The following MAGI2 variants were observed in gnomAD, a reference collection of about 807,000 sequenced individuals.
The protein encoded by MAGI2 is membrane associated guanylate kinase, WW and PDZ domain containing 2, also known as membrane-associated guanylate kinase, WW and PDZ domain-containing protein 2.
In MAGI2, 35 loss-of-function variants were observed where a neutral mutation model predicts 133.3. The ratio of observed to expected loss-of-function variants is 0.26; its 90% CI spans 0.20 to 0.35. MAGI2 has a LOEUF of 0.35. Ranked by LOEUF, MAGI2 falls within the 10% of genes least tolerant of loss-of-function variation. The pLI is 1.00. For missense variants in MAGI2, 1,636 were observed against 1,863.4 expected, an observed-to-expected ratio of 0.88 and a Z score of 2.25; for synonymous variants, 729 against 710.6, an observed-to-expected ratio of 1.03 and a Z score of -0.41.
intron 2 of MAGI2, among the ~76,000 whole-genome samples, chr7:78,850,854 C>G (rs1359887827): frequency 2.6e-5 from 4 of 152,078 alleles, no homozygotes; most frequent in African/African-American, 4.8e-5. Context: ...AAAACAACAG[C>G]AGCAAGTCTA....
At chr7:78,964,841 ACTTTTT>A (rs957007990) in intron 2 of MAGI2, among the ~76,000 whole-genome samples, 11 of 151,978 alleles carry the variant, frequency 7.2e-5, no homozygotes, top group African/African-American at 2.2e-4. Context: ...TTTATCATTG[ACTTTTT>A]CTTTTTAAAA....
intron 2 of MAGI2, among the ~76,000 whole-genome samples, chr7:78,699,417 G>A (rs1309819174): frequency 6.6e-6 from 1 of 152,094 alleles, no homozygotes; most frequent in African/African-American, 2.4e-5. Context: ...TTTGTTTCAT[G>A]CACAAAACTA....
At chr7:78,855,792 A>C (rs188890016) in intron 2 of MAGI2, among the ~76,000 whole-genome samples, 1 of 152,316 alleles carries the variant, frequency 6.6e-6, no homozygotes, top group African/African-American at 2.4e-5. Flanking sequence ...GCTGGGTCAA[A>C]TGGTATTTCT....
At chr7:79,228,387 T>C (rs1055104979) in intron 1 of MAGI2, among the ~76,000 whole-genome samples, 8 of 53,512 alleles carry the variant, frequency 1.5e-4, no homozygotes, top group Non-Finnish European at 2.7e-4. Context: ...GGGATTGTCT[T>C]GTCTTGAAAT....
chr7:78,280,899 GTGT>G (rs1795505065), intron 9 of MAGI2, among the ~76,000 whole-genome samples: 1 of 149,938 alleles, frequency 6.7e-6, no homozygotes, highest in Non-Finnish European at 1.5e-5. Context: ...GCTCTGAAGC[GTGT>G]TGTCTTCCCA....
intron 2 of MAGI2, among the ~76,000 whole-genome samples, chr7:78,736,260 G>GT (rs1233346476): frequency 6.6e-6 from 1 of 152,124 alleles, no homozygotes; most frequent in South Asian, 2.1e-4. Flanking sequence ...TCTAATAACA[G>GT]TTTTTTTCTA....
intron 6 of MAGI2, among the ~76,000 whole-genome samples, chr7:78,374,999 C>T (rs1199425626): frequency 6.6e-6 from 1 of 151,842 alleles, no homozygotes; most frequent in Admixed American, 6.6e-5. Flanking sequence ...ACCACTACAC[C>T]TGGCTATTTT....
intron 1 of MAGI2, among the ~76,000 whole-genome samples, chr7:79,365,692 T>C (rs1374060401): frequency 6.6e-6 from 1 of 151,610 alleles, no homozygotes; most frequent in Non-Finnish European, 1.5e-5. Context: ...ACCCTGTCTC[T>C]ACTAAAAATA....
At chr7:78,247,660 A>C (rs1240729737) in intron 10 of MAGI2, among the ~76,000 whole-genome samples, 2 of 152,210 alleles carry the variant, frequency 1.3e-5, no homozygotes, top group East Asian at 3.9e-4. Flanking sequence ...AATTAAAAAC[A>C]TACAATACAG....
intron 2 of MAGI2, among the ~76,000 whole-genome samples, chr7:78,696,946 C>T (rs1817577797): frequency 6.6e-6 from 1 of 151,542 alleles, no homozygotes; most frequent in African/African-American, 2.4e-5. Flanking sequence ...CTTTATTTTA[C>T]CACACTGCAA....
At chr7:78,865,895 G>A (rs1379547309) in intron 2 of MAGI2, among the ~76,000 whole-genome samples, 1 of 152,148 alleles carries the variant, frequency 6.6e-6, no homozygotes, top group African/African-American at 2.4e-5. Flanking sequence ...TATAGGAGCA[G>A]TATACACTGG....
In MAGI2 at chr7:78,621,057, T is replaced by C. The variant is rs972139448; in HGVS notation, c.538+6063A>G. On this transcript the variant is annotated intron_variant, in intron 3 of 21. Coordinates refer to ENST00000354212, the MANE Select transcript of MAGI2 (RefSeq NM_012301.4). ...TAAAATCACAGACACCTGGAAGAAGTAGGTCAGGCAGGATTCGCTGACTTA... is the reference window on the plus strand; with the variant it reads ...TAAAATCACAGACACCTGGAAGAAGCAGGTCAGGCAGGATTCGCTGACTTA... Among the ~76,000 whole-genome samples the C allele has an allele frequency of 9.9e-5, 15 of 152,154 alleles. No individual in the cohort carries two copies. The Middle Eastern group carries it at 0.014, about 138-fold the overall frequency.
chr7:78,078,036 C>CT (rs572902297), intron 21 of MAGI2: 4,534 of 143,426 alleles, frequency 0.032, 204 homozygotes, highest in African/African-American at 0.098. Flanking sequence ...CCCTAGAAAT[C>CT]TTTTTTTTTT....
At chr7:78,336,387 T>G (rs1417786459) in intron 9 of MAGI2, among the ~76,000 whole-genome samples, 11 of 152,092 alleles carry the variant, frequency 7.2e-5, no homozygotes, top group Non-Finnish European at 1.6e-4. Context: ...GAAAGAGCAG[T>G]GATATCTACC....
chr7:78,647,428 A>G (rs1811014780), intron 2 of MAGI2, among the ~76,000 whole-genome samples: 1 of 152,214 alleles, frequency 6.6e-6, no homozygotes, highest in Non-Finnish European at 1.5e-5. Context: ...AGAAATGCAA[A>G]TCAAAACCAC....
chr7:78,976,209 T>C (rs895389619), intron 2 of MAGI2, among the ~76,000 whole-genome samples: 42 of 151,688 alleles, frequency 2.8e-4, no homozygotes, highest in Admixed American at 2.6e-3. Context: ...ATCAAAAATG[T>C]ATAAAATAAG....
rs116633055 is a variant in MAGI2 at position 79,237,217 on chromosome 7, C to T, written c.301+215803G>A. On this transcript the variant is annotated intron_variant, in intron 1 of 21. Coordinates refer to ENST00000354212, the MANE Select transcript of MAGI2 (RefSeq NM_012301.4). ...GATTAGAAAAGTTTTATACACTTGCCGGGCGCGGTGGCTCACGCCTGTAAT... is the reference window on the plus strand; with the variant it reads ...GATTAGAAAAGTTTTATACACTTGCTGGGCGCGGTGGCTCACGCCTGTAAT... Among the ~76,000 whole-genome samples, 660 of 152,294 alleles carry T rather than the reference C, an allele frequency of 4.3e-3. 4 individuals carry two copies. The highest frequency in any genetic ancestry group is 0.015 in the African/African-American group (630 of 41,556).
chr7:78,163,906 CAA>C (rs35152410), intron 15 of MAGI2, among the ~76,000 whole-genome samples: 4 of 126,446 alleles, frequency 3.2e-5, no homozygotes, highest in Admixed American at 8.2e-5. Flanking sequence ...GACTCCGTCT[CAA>C]AAAAAAAAAA....
chr7:79,399,253 C>T (rs1172601015), intron 1 of MAGI2, among the ~76,000 whole-genome samples: 1 of 151,802 alleles, frequency 6.6e-6, no homozygotes, highest in Non-Finnish European at 1.5e-5. Context: ...TGCTACCATA[C>T]CTGGCTAATT....
Sources: allele counts gnomAD v4.1 joint callset (sites outside exome capture counted in the v4.1 genomes callset), GRCh38; gene constraint gnomAD v4.1.1; transcripts MANE v1.5; gene names NCBI Gene and HGNC (gene_info 2026-07-23, HGNC 2026-07-21).